MCCC2: variants seen among roughly 807,000 people sequenced by gnomAD.
MCCC2 encodes the protein methylcrotonoyl-CoA carboxylase beta chain, mitochondrial.
Under a neutral mutation model 77.2 loss-of-function variants are expected in MCCC2, and 52 were observed. That is an observed-to-expected ratio of 0.67 (90% CI 0.54 to 0.85). The LOEUF is 0.85. MCCC2 is among the 40% of genes least tolerant of loss of function. The pLI, the probability that MCCC2 is intolerant of heterozygous loss-of-function variation, is 0.00. For synonymous variants in MCCC2, 253 were observed against 248.4 expected (o/e 1.02, Z -0.18); for missense variants, 682 against 703.2 (o/e 0.97, Z 0.34).
At chr5:71,633,122 TATATATATATTTTTA>T (rs1746791996) in intron 8 of MCCC2, among the ~76,000 whole-genome samples, 1 of 115,826 alleles carries the variant, frequency 8.6e-6, no homozygotes, top group African/African-American at 3.6e-5. Flanking sequence ...TATATATATA[TATATATATATTTTTA>T]TTTTTTGTAG....
At position 71,592,984 on chromosome 5, in the gene MCCC2, T is replaced by A. The variant is rs1745041078; in HGVS notation, c.188T>A (p.Ile63Lys). 6.2e-7 allele frequency: 1 copy of A among 1,611,612 alleles called. No homozygotes were observed. Among genetic ancestry groups the A allele is most frequent in the Non-Finnish European group, 8.5e-7 (1 of 1,177,988 alleles). ...VNQLHERVEH[I>K]KLGGGEKARA... ...CAGCTCCATGAACGAGTGGAGCATA[T>A]AAAACTAGGTAAACACAGCATTTAT... is the stretch of plus-strand genomic sequence containing the variant. Residue 63 changes from isoleucine to lysine, a missense_variant, in exon 2 of 17, where the codon ATA (isoleucine) becomes AAA (lysine). Coordinates refer to ENST00000340941, the MANE Select transcript of MCCC2 (RefSeq NM_022132.5).
intron 15 of MCCC2, 130 bp downstream of exon 15, chr5:71,650,313 A>G (rs1580332579): frequency 1.4e-6 from 1 of 728,116 alleles, no homozygotes; most frequent in Non-Finnish European, 2.5e-6. Context: ...GCCTGGCCAT[A>G]TTTAGACTGT....
At chr5:71,587,627 A>G in intron 1 of MCCC2, 73 bp downstream of exon 1, 1 of 1,509,950 alleles carries the variant, frequency 6.6e-7, no homozygotes, top group African/African-American at 1.4e-5. Context: ...GCACGCTTCA[A>G]CAACTGCTGC....
At chr5:71,639,040 A>C in intron 10 of MCCC2, among the ~76,000 whole-genome samples, 1 of 152,200 alleles carries the variant, frequency 6.6e-6, no homozygotes, top group Non-Finnish European at 1.5e-5. Flanking sequence ...TGGCCTTAAA[A>C]ATTCATTAAA....
intron 6 of MCCC2, among the ~76,000 whole-genome samples, chr5:71,620,255 G>C (rs1335666672): frequency 6.6e-6 from 1 of 152,152 alleles, no homozygotes; most frequent in Non-Finnish European, 1.5e-5. Context: ...ATTGAATTGA[G>C]ATGTATATTT....
At chr5:71,649,339 A>G (rs1232384722) in intron 14 of MCCC2, 86 bp downstream of exon 14, 3 of 1,264,906 alleles carry the variant, frequency 2.4e-6, no homozygotes, top group Admixed American at 1.7e-5. Context: ...TATTTGAAAT[A>G]TAGAATGCCA....
At chr5:71,591,762 T>C (rs571074313) in intron 1 of MCCC2, among the ~76,000 whole-genome samples, 3 of 152,008 alleles carry the variant, frequency 2.0e-5, no homozygotes, top group East Asian at 1.9e-4. Flanking sequence ...TACTAATTTA[T>C]TTATTTATTT....
intron 6 of MCCC2, among the ~76,000 whole-genome samples, chr5:71,605,602 T>G (rs908244783): frequency 6.6e-6 from 1 of 150,722 alleles, no homozygotes; most frequent in African/African-American, 2.4e-5. Flanking sequence ...ATTTGTCAAT[T>G]TTGGCTTTTG....
At chr5:71,627,138 A>G (rs1368532215) in intron 7 of MCCC2, among the ~76,000 whole-genome samples, 1 of 152,188 alleles carries the variant, frequency 6.6e-6, no homozygotes, top group Non-Finnish European at 1.5e-5. Flanking sequence ...AAACGTCTTC[A>G]TGGTTCTTCT....
At chr5:71,628,612 C>T (rs1353518059) in intron 7 of MCCC2, among the ~76,000 whole-genome samples, 1 of 152,140 alleles carries the variant, frequency 6.6e-6, no homozygotes, top group Non-Finnish European at 1.5e-5. Context: ...TGCAGTTGTT[C>T]CAGCATCATT....
intron 14 of MCCC2, 60 bp downstream of exon 14, chr5:71,649,313 C>CAGTTTATTT: frequency 6.9e-7 from 1 of 1,441,936 alleles, no homozygotes; most frequent in Non-Finnish European, 9.8e-7. Context: ...AATACATGGT[C>CAGTTTATTT]AGTTTATTTC....
At chr5:71,611,673 A>T (rs1292435651) in intron 6 of MCCC2, among the ~76,000 whole-genome samples, 1 of 152,144 alleles carries the variant, frequency 6.6e-6, no homozygotes, top group Non-Finnish European at 1.5e-5. Flanking sequence ...TGCACGTGGG[A>T]GCGATACACT....
chr5:71,625,175 C>T (rs1387423644), intron 6 of MCCC2, among the ~76,000 whole-genome samples: 1 of 152,164 alleles, frequency 6.6e-6, no homozygotes, highest in Non-Finnish European at 1.5e-5. Flanking sequence ...GAAAACTGTT[C>T]CTTTTTAGAT....
intron 5 of MCCC2, among the ~76,000 whole-genome samples, chr5:71,603,582 A>C (rs1745540013): frequency 6.6e-6 from 1 of 152,156 alleles, no homozygotes; most frequent in African/African-American, 2.4e-5. Context: ...ATTAACTCAC[A>C]ATACGAACTG....
intron 13 of MCCC2, among the ~76,000 whole-genome samples, chr5:71,647,650 G>A (rs1162281651): frequency 1.3e-5 from 2 of 152,160 alleles, no homozygotes; most frequent in African/African-American, 4.8e-5. Context: ...ATAAGTCTCA[G>A]CACAGGAGAG....
chr5:71,644,014 G>C, intron 12 of MCCC2, 119 bp downstream of exon 12: 2 of 1,169,016 alleles, frequency 1.7e-6, no homozygotes, highest in Non-Finnish European at 2.5e-6. Context: ...TCAGCAACCA[G>C]AACACTGTGT....
intron 2 of MCCC2, among the ~76,000 whole-genome samples, chr5:71,593,593 A>G (rs2112281541): frequency 6.6e-6 from 1 of 150,902 alleles, no homozygotes; most frequent in South Asian, 2.1e-4. Flanking sequence ...TTCTTGCTCT[A>G]TTGCCAGGCT....
chr5:71,618,507 T>TCCTG (rs1245446557), intron 6 of MCCC2, among the ~76,000 whole-genome samples: 134 of 60,218 alleles, frequency 2.2e-3, no homozygotes, highest in African/African-American at 6.4e-3. Flanking sequence ...CTTCCTTCCT[T>TCCTG]CCTTCCTTCC....
chr5:71,635,577 A>G, intron 10 of MCCC2: 1 of 370,368 alleles, frequency 2.7e-6, no homozygotes, highest in Non-Finnish European at 5.2e-6. Flanking sequence ...ATTTCTTTTC[A>G]TTGTTCTTAT....
Sources: gnomAD v4.1 joint callset for allele counts (sites outside exome capture counted in the v4.1 genomes callset) on GRCh38, gnomAD v4.1.1 for gene constraint, MANE v1.5 for transcripts, NCBI Gene and HGNC (gene_info 2026-07-23, HGNC 2026-07-21) for gene names.